PTPRN2: variants seen among roughly 807,000 people sequenced by gnomAD.
PTPRN2 encodes the protein protein tyrosine phosphatase receptor type N2, also known as receptor-type tyrosine-protein phosphatase N2.
PTPRN2 carries 74 observed loss-of-function variants against 118.8 expected under a neutral mutation model. The observed-to-expected ratio is 0.62, with a 90% CI of 0.52 to 0.76. The LOEUF (loss-of-function observed/expected upper bound fraction) is 0.76, where lower values mean the gene tolerates loss of function less well. Among genes scored for constraint, PTPRN2 ranks in the 30% least tolerant of loss-of-function variants. PTPRN2 has a pLI of 0.00. For synonymous variants in PTPRN2, 641 were observed against 608.0 expected, an observed-to-expected ratio of 1.05 and a Z score of -0.80; for missense variants, 1,481 against 1,394.4, an observed-to-expected ratio of 1.06 and a Z score of -0.99.
rs6963718 is a variant in PTPRN2 at position 157,974,318 on chromosome 7, C to T, written c.1724-75581G>A. Among the ~76,000 whole-genome samples, 29,528 of 152,186 alleles carry T rather than the reference C, an allele frequency of 0.19. 2,882 individuals carry two copies. Among genetic ancestry groups the T allele is most frequent in the Non-Finnish European group, 0.2 (13,741 of 67,994 alleles). ...AGCCGGGCCACCCTGCCCACAAGGT[C>T]TTCCACGGGGCTCCTCCCCAGCTCA... On this transcript the variant is annotated intron_variant, in intron 11 of 22. Transcript: ENST00000389418. The surrounding 1 kb of genome is among the most constrained non-coding windows in gnomAD (Gnocchi z 4.0).
intron 1 of PTPRN2, among the ~76,000 whole-genome samples, chr7:158,521,866 T>G (rs1182496661): frequency 2.6e-5 from 2 of 77,842 alleles, no homozygotes; most frequent in African/African-American, 4.9e-5. Flanking sequence ...GGGAGGGAGG[T>G]CCACGTCACA....
rs943307841 is a variant in PTPRN2, at chr7:157,990,750, A to G, written c.1723+90548T>C. On this transcript the variant is annotated intron_variant, in intron 11 of 22. Coordinates refer to ENST00000389418, the MANE Select transcript of PTPRN2 (RefSeq NM_002847.5). The surrounding 1 kb of genome is among the most constrained non-coding windows in gnomAD (Gnocchi z 4.3). ...TGGGGCACAAAGCACGTGGACTAGG[A>G]CACTGGAATGTCACCGAGCTTCCCT... is the stretch of plus-strand genomic sequence containing the variant. Among the ~76,000 whole-genome samples the G allele has an allele frequency of 1.3e-5, 2 of 152,138 alleles. No homozygotes were observed. Among genetic ancestry groups the G allele is most frequent in the Non-Finnish European group, 2.9e-5 (2 of 68,034 alleles).
At chr7:157,767,101 T>C (rs1204816518) in intron 12 of PTPRN2, among the ~76,000 whole-genome samples, 2 of 152,090 alleles carry the variant, frequency 1.3e-5, no homozygotes, top group African/African-American at 4.8e-5. Context: ...CCTTGGCACG[T>C]CTTGATTCAA....
rs1292138989 is a variant in PTPRN2, at chr7:158,131,047, CA to C, written c.1556+2629del. Among the ~76,000 whole-genome samples the C allele has an allele frequency of 3.9e-4, 26 of 67,036 alleles. No homozygotes were observed. In the East Asian group the frequency reaches 0.016, roughly 40 times the overall value. The allele number at this position is 67,036 out of a possible 152,430, so 44.0% of individuals were successfully genotyped here. Reference sequence around the variant, plus strand: ...ATACACACACTTATACACACACGTACATACAGACACCTGCCCAACACACACA... The same window carrying C: ...ATACACACACTTATACACACACGTACTACAGACACCTGCCCAACACACACA... On this transcript the variant is annotated intron_variant, in intron 9 of 22. Transcript: ENST00000389418.
chr7:158,316,780 G>A (rs1435452818), intron 3 of PTPRN2, 39 bp downstream of exon 3: 7 of 1,500,458 alleles, frequency 4.7e-6, no homozygotes, highest in Non-Finnish European at 6.3e-6. Flanking sequence ...CGGTCGCTCA[G>A]TGCGGCAGCC....
At chr7:158,450,769 C>T (rs917700005) in intron 2 of PTPRN2, among the ~76,000 whole-genome samples, 1 of 152,234 alleles carries the variant, frequency 6.6e-6, no homozygotes, top group East Asian at 1.9e-4. Flanking sequence ...ATGTGGGTCA[C>T]GTCCAGCCTG....
intron 2 of PTPRN2, among the ~76,000 whole-genome samples, chr7:158,317,914 C>A (rs574855914): frequency 6.6e-6 from 1 of 152,316 alleles, no homozygotes; most frequent in Admixed American, 6.5e-5. Flanking sequence ...AAAATAACCT[C>A]GAGTATTGCA....
At chr7:158,169,429 TG>T (rs1823331126) in intron 5 of PTPRN2, among the ~76,000 whole-genome samples, 2 of 147,304 alleles carry the variant, frequency 1.4e-5, no homozygotes, top group African/African-American at 5.2e-5. Flanking sequence ...TGTGTGTGTG[TG>T]TGTGTGTGTG....
At chr7:158,188,362 TGATGGGGAAGGCCGCCACGCTCGCCCCGC>T (rs1563577102) in intron 5 of PTPRN2, among the ~76,000 whole-genome samples, 5 of 16,910 alleles carry the variant, frequency 3.0e-4, no homozygotes, top group African/African-American at 1.0e-3. Context: ...GCTCGCCGCC[TGATGGGGAAGGCCGCCACGCTCGCCCCGC>T]GATGGGGAAG....
intron 12 of PTPRN2, among the ~76,000 whole-genome samples, chr7:157,883,037 C>T (rs995134034): frequency 1.0e-4 from 15 of 150,118 alleles, no homozygotes; most frequent in African/African-American, 3.7e-4. Flanking sequence ...ACAAAAATGA[C>T]TGTTGGAGAT....
At chr7:158,337,633 C>G (rs1372001239) in intron 2 of PTPRN2, among the ~76,000 whole-genome samples, 1 of 123,520 alleles carries the variant, frequency 8.1e-6, no homozygotes, top group Non-Finnish European at 1.8e-5. Context: ...CACCTGCAGA[C>G]GTCATTCACA....
At chr7:157,947,729 A>G (rs1800573651) in intron 11 of PTPRN2, among the ~76,000 whole-genome samples, 1 of 152,224 alleles carries the variant, frequency 6.6e-6, no homozygotes, top group South Asian at 2.1e-4. Context: ...CTCCAAGTAG[A>G]ATTGATTCAA....
At chr7:158,411,386 G>T (rs576339239) in intron 2 of PTPRN2, among the ~76,000 whole-genome samples, 67 of 152,274 alleles carry the variant, frequency 4.4e-4, no homozygotes, top group African/African-American at 1.5e-3. Context: ...CCCCTGCTGG[G>T]TCCTCACAGC....
At chr7:158,319,892 C>T (rs867967901) in intron 2 of PTPRN2, among the ~76,000 whole-genome samples, 3 of 27,004 alleles carry the variant, frequency 1.1e-4, no homozygotes, top group South Asian at 2.1e-3. Flanking sequence ...CAGCCTCCCT[C>T]GTACACACAC....
intron 9 of PTPRN2, among the ~76,000 whole-genome samples, chr7:158,128,212 A>C (rs779084639): frequency 6.6e-6 from 1 of 152,230 alleles, no homozygotes; most frequent in Non-Finnish European, 1.5e-5. Flanking sequence ...CTTGCCCAAG[A>C]GAATCACAAA....
chr7:158,187,736 C>T (rs1458408244), intron 5 of PTPRN2, among the ~76,000 whole-genome samples: 4 of 152,194 alleles, frequency 2.6e-5, no homozygotes, highest in African/African-American at 2.4e-5. Flanking sequence ...GACAGCTGTG[C>T]TAAATGTCTG....
At chr7:157,643,902 C>A (rs540349555) in intron 14 of PTPRN2, among the ~76,000 whole-genome samples, 7 of 152,350 alleles carry the variant, frequency 4.6e-5, no homozygotes, top group South Asian at 2.1e-4. Context: ...GCCCAGACAC[C>A]GGCCAGCCTC....
At chr7:158,284,905 C>T (rs1037595384) in intron 3 of PTPRN2, among the ~76,000 whole-genome samples, 11 of 152,240 alleles carry the variant, frequency 7.2e-5, no homozygotes, top group African/African-American at 1.4e-4. Context: ...GGCTGGCACA[C>T]GCCGCCTGCC....
In PTPRN2 at chr7:157,707,468, C is replaced by T. The variant is rs570131614; in HGVS notation, c.1789-24531G>A. ...CATAAGCTCAGTTAACATACGTGCC[C>T]GCTAAGTACCCTTCAGGGATGGCAA... is the stretch of plus-strand genomic sequence containing the variant. On this transcript the variant is annotated intron_variant, in intron 12 of 22. Transcript: ENST00000389418. Among the ~76,000 whole-genome samples, 24 of 152,318 alleles carry T rather than the reference C, an allele frequency of 1.6e-4. No individual in the cohort carries two copies. In the South Asian group the frequency reaches 2.7e-3, roughly 17 times the overall value.
Sources: allele counts gnomAD v4.1 joint callset (sites outside exome capture counted in the v4.1 genomes callset), GRCh38; gene constraint gnomAD v4.1.1; non-coding constraint Gnocchi (gnomAD v3.1); transcripts MANE v1.5; gene names NCBI Gene and HGNC (gene_info 2026-07-23, HGNC 2026-07-21).